Variants in LRRTM3 observed in about 807,000 individuals in gnomAD.
The protein encoded by LRRTM3 is leucine rich repeat transmembrane neuronal 3, also known as leucine-rich repeat transmembrane neuronal protein 3.
LRRTM3 carries 24 observed loss-of-function variants against 44.7 expected under a neutral mutation model. The ratio of observed to expected loss-of-function variants is 0.54; its 90% CI spans 0.39 to 0.76. LRRTM3 has a LOEUF of 0.76. LRRTM3 is among the 30% of genes least tolerant of loss of function. The probability of loss-of-function intolerance (pLI) is 0.00; values close to 1 mark genes in which losing one functional copy is unlikely to be tolerated. For missense variants in LRRTM3, 587 were observed against 702.2 expected (o/e 0.84, Z 1.85); for synonymous variants, 277 against 278.7 (o/e 0.99, Z 0.06).
intron 2 of LRRTM3, among the ~76,000 whole-genome samples, chr10:67,016,079 C>G (rs569568060): frequency 6.6e-6 from 1 of 152,108 alleles, no homozygotes; most frequent in African/African-American, 2.4e-5. Flanking sequence ...TTTTAGAATA[C>G]GTATTTGTTG....
intron 2 of LRRTM3, among the ~76,000 whole-genome samples, chr10:66,956,988 A>G (rs1437365965): frequency 1.3e-5 from 2 of 152,210 alleles, no homozygotes; most frequent in Admixed American, 6.5e-5. Flanking sequence ...GTGGTAATAA[A>G]ACCATGGAAT....
chr10:66,948,749 C>T (rs1046042453), intron 2 of LRRTM3, among the ~76,000 whole-genome samples: 9 of 152,122 alleles, frequency 5.9e-5, no homozygotes, highest in Non-Finnish European at 1.0e-4. Flanking sequence ...CTGTTATTTG[C>T]TCCCTTCATT....
At chr10:67,070,961 C>G (rs144872210) in intron 2 of LRRTM3, among the ~76,000 whole-genome samples, 1,552 of 152,132 alleles carry the variant, frequency 0.01, 33 homozygotes, top group African/African-American at 0.035. Flanking sequence ...TAGTGTTTAC[C>G]TGAGGAATTG....
chr10:66,989,837 T>C (rs1326859174), intron 2 of LRRTM3, among the ~76,000 whole-genome samples: 2 of 152,140 alleles, frequency 1.3e-5, no homozygotes, highest in Non-Finnish European at 2.9e-5. Context: ...TATTATCCAC[T>C]AGAGTAGATC....
chr10:66,995,373 CT>C (rs1851271326), intron 2 of LRRTM3, among the ~76,000 whole-genome samples: 1 of 152,120 alleles, frequency 6.6e-6, no homozygotes, highest in Non-Finnish European at 1.5e-5. Context: ...CTGCCATAGC[CT>C]TGGTTCAAGT....
chr10:66,967,109 T>C (rs1018291850), intron 2 of LRRTM3, among the ~76,000 whole-genome samples: 3 of 152,084 alleles, frequency 2.0e-5, no homozygotes, highest in African/African-American at 7.2e-5. Context: ...GGAACGTTGA[T>C]GGTTCTGCTA....
chr10:66,950,819 A>G lies in LRRTM3; in HGVS notation c.1536+22367A>G, dbSNP rs920029135. Among the ~76,000 whole-genome samples the G allele has an allele frequency of 4.3e-4, 66 of 152,270 alleles. 1 individual carries two copies. The highest frequency in any genetic ancestry group is 1.4e-3 in the African/African-American group (60 of 41,578). On this transcript the variant is annotated intron_variant, in intron 2 of 2. Transcript: ENST00000361320. ...GGGCCACACTGTGTGAGGGGCATAG[A>G]GAGAGATTTTAGAGGCTTCGCACAG...
intron 2 of LRRTM3, among the ~76,000 whole-genome samples, chr10:66,955,594 C>T (rs988039481): frequency 6.6e-6 from 1 of 152,116 alleles, no homozygotes. Context: ...AGAGTAGACA[C>T]TCAATAAATG....
At chr10:67,029,779 T>C (rs925427504) in intron 2 of LRRTM3, among the ~76,000 whole-genome samples, 1 of 152,316 alleles carries the variant, frequency 6.6e-6, no homozygotes, top group Non-Finnish European at 1.5e-5. Flanking sequence ...TGATGTCCAA[T>C]AGGGTAGCCA....
intron 2 of LRRTM3, among the ~76,000 whole-genome samples, chr10:67,006,797 A>AT (rs36043805): frequency 0.52 from 79,063 of 151,068 alleles, 21,369 homozygotes; most frequent in Middle Eastern, 0.74. Context: ...ACAGTCTTAA[A>AT]TTTTTTTTTC....
At chr10:66,984,912 G>A (rs965299786) in intron 2 of LRRTM3, among the ~76,000 whole-genome samples, 2 of 151,356 alleles carry the variant, frequency 1.3e-5, no homozygotes, top group Non-Finnish European at 2.9e-5. Flanking sequence ...TTTTGTTTAA[G>A]TACAATAAGA....
intron 2 of LRRTM3, among the ~76,000 whole-genome samples, chr10:66,995,467 T>C (rs1053970699): frequency 6.6e-6 from 1 of 152,196 alleles, no homozygotes; most frequent in African/African-American, 2.4e-5. Flanking sequence ...TAATCCATTC[T>C]CCAAACATTC....
intron 2 of LRRTM3, among the ~76,000 whole-genome samples, chr10:67,084,928 ATTATG>A (rs1414169641): frequency 6.6e-5 from 10 of 152,060 alleles, no homozygotes; most frequent in East Asian, 1.9e-4. Context: ...ACTCCTTCAT[ATTATG>A]TTATATTTGT....
At position 67,070,704 on chromosome 10, in the gene LRRTM3, G is replaced by A. The variant is rs571263397; in HGVS notation, c.1537-26883G>A. On this transcript the variant is annotated intron_variant, in intron 2 of 2. Transcript: ENST00000361320. ...GGAGGTTGCAGGGAGCTGAGGTCAC[G>A]CCACTGCACTCCAGCCTGGCAACAG... 2.6e-4 allele frequency among the ~76,000 whole-genome samples: 39 copies of A among 151,346 alleles called. 1 individual carries two copies. In the South Asian group the frequency reaches 7.5e-3, roughly 29 times the overall value.
At chr10:67,023,444 A>G (rs1457462896) in intron 2 of LRRTM3, among the ~76,000 whole-genome samples, 2 of 152,162 alleles carry the variant, frequency 1.3e-5, no homozygotes, top group Non-Finnish European at 2.9e-5. Flanking sequence ...AGGCTTATCC[A>G]TGGATCTTCT....
intron 2 of LRRTM3, among the ~76,000 whole-genome samples, chr10:67,067,737 T>A (rs911051740): frequency 3.3e-5 from 5 of 152,204 alleles, no homozygotes; most frequent in African/African-American, 1.2e-4. Context: ...ATTATCCTAT[T>A]CATTCATTTA....
rs556386235 is a variant in LRRTM3, at chr10:66,999,513, A to AGCTTCAATCACTATTGTCTCTC, written c.1536+71062_1536+71083dup. Among the ~76,000 whole-genome samples, 1,398 of 152,200 alleles carry AGCTTCAATCACTATTGTCTCTC rather than the reference A, an allele frequency of 9.2e-3. 40 individuals carry two copies. In the East Asian group the frequency reaches 0.11, roughly 12 times the overall value. On this transcript the variant is annotated intron_variant, in intron 2 of 2. Coordinates refer to ENST00000361320, the MANE Select transcript of LRRTM3 (RefSeq NM_178011.5). ...ATTATGCCATAAAATCCATTCTTCT[A>AGCTTCAATCACTATTGTCTCTC]GCTTCAATCACTATTGTCTCTCTTT...
At chr10:66,930,495 A>G (rs900308276) in intron 2 of LRRTM3, among the ~76,000 whole-genome samples, 1 of 152,160 alleles carries the variant, frequency 6.6e-6, no homozygotes, top group South Asian at 2.1e-4. Flanking sequence ...TATCTGTACT[A>G]AAGATGTTTG....
intron 2 of LRRTM3, among the ~76,000 whole-genome samples, chr10:67,043,379 A>G (rs1450569186): frequency 6.6e-6 from 1 of 152,140 alleles, no homozygotes; most frequent in East Asian, 1.9e-4. Flanking sequence ...GGTCTGCTCA[A>G]TTAGCCAAAA....
Sources: gnomAD v4.1 joint callset for allele counts (sites outside exome capture counted in the v4.1 genomes callset) on GRCh38, gnomAD v4.1.1 for gene constraint, MANE v1.5 for transcripts, NCBI Gene and HGNC (gene_info 2026-07-23, HGNC 2026-07-21) for gene names.